MAST4: variants seen among roughly 807,000 people sequenced by gnomAD.
The protein encoded by MAST4 is microtubule-associated serine/threonine-protein kinase 4.
Under a neutral mutation model 162.7 loss-of-function variants are expected in MAST4, and 89 were observed. The ratio of observed to expected loss-of-function variants is 0.55; its 90% CI spans 0.46 to 0.65. The LOEUF (loss-of-function observed/expected upper bound fraction) is 0.65. Among genes scored for constraint, MAST4 ranks in the 30% least tolerant of loss-of-function variants. MAST4 has a pLI of 0.00. For synonymous variants in MAST4, 1,479 were observed against 1,361.1 expected (o/e 1.09, Z -1.91); for missense variants, 3,153 against 3,374.0 (o/e 0.93, Z 1.62).
chr5:66,983,386 A>T (rs995807947), intron 4 of MAST4, among the ~76,000 whole-genome samples: 1 of 152,194 alleles, frequency 6.6e-6, no homozygotes, highest in Non-Finnish European at 1.5e-5. Flanking sequence ...GATCATTTTC[A>T]TGATTTTGAT....
rs1196872613 is a variant in MAST4, at chr5:67,114,094, A to G, written c.1466A>G (p.Asp489Gly). Reference protein sequence around the residue: ...PARLLECLEFDPEEFYYLLEA... With the variant: ...PARLLECLEFGPEEFYYLLEA... Reference sequence around the variant, plus strand: ...GTGATTGTCTTCGGCTAGGAATTTGATCCGGAAGAATTTTACTACCTATTG... The same window carrying G: ...GTGATTGTCTTCGGCTAGGAATTTGGTCCGGAAGAATTTTACTACCTATTG... Residue 489 changes from aspartate (D) to glycine (G), a missense_variant, in exon 12 of 29, where the codon GAT becomes GGT. Physicochemically the swap from Asp to Gly is moderately conservative, Grantham distance 94. Coordinates refer to ENST00000403625, the MANE Select transcript of MAST4 (RefSeq NM_001164664.2). 8 of 1,613,650 alleles carry G rather than the reference A, an allele frequency of 5.0e-6. No individual in the cohort carries two copies. The highest frequency in any genetic ancestry group is 6.8e-6 in the Non-Finnish European group (8 of 1,179,824).
chr5:66,902,619 ACT>A lies in MAST4; in HGVS notation c.674+2642_674+2643del, dbSNP rs766557136. The A allele has an allele frequency of 3.2e-4, 139 of 431,936 alleles. 1 individual carries two copies. The highest frequency in any genetic ancestry group is 1.1e-4 in the Non-Finnish European group (24 of 212,738). 26.8% of individuals were successfully genotyped at this position (431,936 alleles called of 1,614,324 possible). A position where few individuals can be genotyped will look rare whatever the true frequency, so the allele number is the denominator to read the frequency against. On this transcript the variant is annotated intron_variant, in intron 4 of 28. Coordinates refer to ENST00000403625, the MANE Select transcript of MAST4 (RefSeq NM_001164664.2). ...CATTTTAATGAGAACTAACTTGAAG[ACT>A]CTCTTGTTTTATATACATTTTTAAA...
intron 14 of MAST4, among the ~76,000 whole-genome samples, chr5:67,122,013 T>C (rs1428311914): frequency 6.6e-6 from 1 of 152,158 alleles, no homozygotes; most frequent in Non-Finnish European, 1.5e-5. Context: ...ATGATATTAA[T>C]GGTGTTCCTT....
intron 1 of MAST4, among the ~76,000 whole-genome samples, chr5:66,616,706 C>T (rs1300198234): frequency 1.3e-5 from 2 of 152,178 alleles, no homozygotes; most frequent in Non-Finnish European, 2.9e-5. Flanking sequence ...TGTGAAGGAA[C>T]AGCCTAAGAG....
At chr5:66,711,995 A>AG (rs1300517358) in intron 1 of MAST4, among the ~76,000 whole-genome samples, 1 of 152,180 alleles carries the variant, frequency 6.6e-6, no homozygotes, top group African/African-American at 2.4e-5. Context: ...GTAGATATTT[A>AG]GGGGGGCCAT....
intron 3 of MAST4, chr5:66,792,652 T>C (rs1278937662): frequency 6.6e-6 from 1 of 152,204 alleles, no homozygotes. Flanking sequence ...CTGTCCAGTG[T>C]GCATCTTACA....
intron 3 of MAST4, among the ~76,000 whole-genome samples, chr5:66,857,076 C>G (rs1330727527): frequency 5.3e-5 from 8 of 152,138 alleles, no homozygotes; most frequent in Non-Finnish European, 1.0e-4. Context: ...CTTTTGTTCC[C>G]TTCTCTGCCC....
rs1340272284 is a variant in MAST4, at chr5:66,999,690, G to GA, written c.675-54714_675-54713insA. ...TTCTTATTTTGTTTCCTTTGTTTTG[G>GA]GTTTTTTTTTTCCTTTTCCTTTTTT... On this transcript the variant is annotated intron_variant, in intron 4 of 28. Coordinates refer to ENST00000403625, the MANE Select transcript of MAST4 (RefSeq NM_001164664.2). Among the ~76,000 whole-genome samples, 46 of 150,264 alleles carry GA rather than the reference G, an allele frequency of 3.1e-4. No homozygotes were observed. The East Asian group carries it at 6.5e-3, about 21-fold the overall frequency.
At chr5:66,847,565 G>A (rs1388799011) in intron 3 of MAST4, among the ~76,000 whole-genome samples, 1 of 152,080 alleles carries the variant, frequency 6.6e-6, no homozygotes, top group Non-Finnish European at 1.5e-5. Flanking sequence ...AACCCAGGAG[G>A]CAGAGGTTGC....
chr5:66,701,968 G>T (rs1749807165), intron 1 of MAST4, among the ~76,000 whole-genome samples: 1 of 152,046 alleles, frequency 6.6e-6, no homozygotes, highest in Non-Finnish European at 1.5e-5. Context: ...ATTCACTTTT[G>T]TCTTTATTCT....
intron 1 of MAST4, among the ~76,000 whole-genome samples, chr5:66,736,620 G>A (rs1281919088): frequency 6.6e-6 from 1 of 152,170 alleles, no homozygotes; most frequent in Non-Finnish European, 1.5e-5. Context: ...CGAAGGTAGA[G>A]TATGAGGACA....
intron 5 of MAST4, among the ~76,000 whole-genome samples, chr5:67,069,289 T>TAG (rs1324452524): frequency 1.0e-4 from 13 of 129,800 alleles, no homozygotes; most frequent in African/African-American, 4.0e-4. Context: ...GGAGATTGGA[T>TAG]ATATATATAT....
intron 1 of MAST4, among the ~76,000 whole-genome samples, chr5:66,739,738 A>G (rs911604582): frequency 3.9e-5 from 6 of 152,158 alleles, no homozygotes; most frequent in African/African-American, 1.2e-4. Flanking sequence ...ATTAAGGAAG[A>G]ATGGGATTAT....
In MAST4 at chr5:67,136,671, G is replaced by T. The variant is rs769453319; in HGVS notation, c.2494+7G>T. 3.2e-6 allele frequency: 5 copies of T among 1,580,708 alleles called. No individual in the cohort carries two copies. The South Asian group carries it at 4.6e-5, about 15-fold the overall frequency. Reference sequence around the variant, plus strand: ...CTGGAGAGGCTGGGAACAGGTTAGAGCCCATGTGTTTTAATTTTGCTAATA... The same window carrying T: ...CTGGAGAGGCTGGGAACAGGTTAGATCCCATGTGTTTTAATTTTGCTAATA... On this transcript the variant is annotated splice_region_variant and intron_variant, in intron 19 of 28. Transcript: ENST00000403625.
intron 3 of MAST4, among the ~76,000 whole-genome samples, chr5:66,860,245 A>G (rs1356457161): frequency 3.3e-5 from 5 of 152,238 alleles, no homozygotes; most frequent in Non-Finnish European, 5.9e-5. Flanking sequence ...ACATTACAGT[A>G]GTTGATACAT....
chr5:66,642,609 A>T (rs985806451), intron 1 of MAST4, among the ~76,000 whole-genome samples: 112 of 152,298 alleles, frequency 7.4e-4, no homozygotes, highest in African/African-American at 2.4e-3. Context: ...ATGACTGCCG[A>T]TTTGTAATGG....
intron 4 of MAST4, among the ~76,000 whole-genome samples, chr5:67,021,502 A>C (rs756613577): frequency 6.6e-6 from 1 of 152,230 alleles, no homozygotes; most frequent in African/African-American, 2.4e-5. Context: ...TTAGCAAGGG[A>C]CCTTCTGAAA....
intron 4 of MAST4, among the ~76,000 whole-genome samples, chr5:66,949,592 A>G (rs1185090195): frequency 6.6e-6 from 1 of 152,198 alleles, no homozygotes; most frequent in Non-Finnish European, 1.5e-5. Context: ...AGTCTCAGGT[A>G]TGTCTATTAG....
intron 3 of MAST4, among the ~76,000 whole-genome samples, chr5:66,888,099 G>C (rs1198001690): frequency 6.6e-6 from 1 of 151,484 alleles, no homozygotes; most frequent in Non-Finnish European, 1.5e-5. Flanking sequence ...TAAAAAAACT[G>C]TACCCTGTAA....
Sources: gnomAD v4.1 joint callset for allele counts (sites outside exome capture counted in the v4.1 genomes callset) on GRCh38, gnomAD v4.1.1 for gene constraint, MANE v1.5 for transcripts, NCBI Gene and HGNC (gene_info 2026-07-23, HGNC 2026-07-21) for gene names.